Variants in ARHGEF28 observed in about 807,000 individuals in gnomAD.
ARHGEF28 encodes 190 kDa guanine nucleotide exchange factor.
Under a neutral mutation model 206.6 loss-of-function variants are expected in ARHGEF28, and 152 were observed. That is an observed-to-expected ratio of 0.74 (90% CI 0.64 to 0.84). The LOEUF (loss-of-function observed/expected upper bound fraction) is 0.84. Among genes scored for constraint, ARHGEF28 ranks in the 40% least tolerant of loss-of-function variants. ARHGEF28 has a pLI of 0.00. For missense variants in ARHGEF28, 2,028 were observed against 2,073.2 expected (o/e 0.98, Z 0.42); for synonymous variants, 763 against 776.4 (o/e 0.98, Z 0.29).
intron 2 of ARHGEF28, among the ~76,000 whole-genome samples, chr5:73,689,420 G>A (rs2112260016): frequency 6.6e-6 from 1 of 152,206 alleles, no homozygotes; most frequent in East Asian, 1.9e-4. Context: ...TTAGCTCACT[G>A]CACCCTCGAC....
At chr5:73,762,990 G>A (rs1006267242) in intron 4 of ARHGEF28, among the ~76,000 whole-genome samples, 4 of 152,190 alleles carry the variant, frequency 2.6e-5, no homozygotes, top group Non-Finnish European at 4.4e-5. Context: ...CGCATATAAA[G>A]TGCTGAATAA....
At chr5:73,758,647 C>A (rs1334240878) in intron 4 of ARHGEF28, among the ~76,000 whole-genome samples, 3 of 152,112 alleles carry the variant, frequency 2.0e-5, no homozygotes, top group African/African-American at 7.2e-5. Flanking sequence ...CCTCTGCCTC[C>A]CGGATTCAAA....
At chr5:73,760,321 T>C (rs1485443124) in intron 4 of ARHGEF28, among the ~76,000 whole-genome samples, 1 of 152,062 alleles carries the variant, frequency 6.6e-6, no homozygotes, top group African/African-American at 2.4e-5. Flanking sequence ...TTTTTTTAAG[T>C]TTTGAAATCA....
In ARHGEF28 at chr5:73,839,715, A is replaced by G. The variant is rs377489299; in HGVS notation, c.1147-765A>G. 3.7e-4 allele frequency among the ~76,000 whole-genome samples: 56 copies of G among 152,298 alleles called. 2 individuals are homozygous for G. The highest frequency in any genetic ancestry group is 1.3e-3 in the African/African-American group (54 of 41,566). ...CGCAGAGTCTTATAGCAGGAGCACG[A>G]GGCCTTACCTGCTGGATTTGCTGTT... On this transcript the variant is annotated intron_variant, in intron 10 of 35. Coordinates refer to ENST00000513042, the MANE Select transcript of ARHGEF28 (RefSeq NM_001177693.2).
At position 73,853,799 on chromosome 5, in the gene ARHGEF28, A is replaced by G. The variant is rs142687172; in HGVS notation, c.1790+1107A>G. Reference sequence around the variant, plus strand: ...CTGGAATTTGATCTTCATCTTGGTCATCATTTTGATTAACAGTCATCTTTT... The same window carrying G: ...CTGGAATTTGATCTTCATCTTGGTCGTCATTTTGATTAACAGTCATCTTTT... On this transcript the variant is annotated intron_variant, in intron 14 of 35. Coordinates refer to ENST00000513042, the MANE Select transcript of ARHGEF28 (RefSeq NM_001177693.2). Among the ~76,000 whole-genome samples, 17 of 152,330 alleles carry G rather than the reference A, an allele frequency of 1.1e-4. No individual in the cohort carries two copies. In the East Asian group the frequency reaches 2.9e-3, roughly 26 times the overall value.
chr5:73,845,067 G>A lies in ARHGEF28; in HGVS notation c.1428-1201G>A, dbSNP rs528805352. Among the ~76,000 whole-genome samples, 7 of 145,910 alleles carry A rather than the reference G, an allele frequency of 4.8e-5. No homozygotes were observed. The South Asian group carries it at 1.5e-3, about 32-fold the overall frequency. ...GAGTCTTGCTCTTTTGCCCAGGCTG[G>A]AGTGCAGTGGTGTGATCTTGGCTCA... On this transcript the variant is annotated intron_variant, in intron 11 of 35. Transcript: ENST00000513042.
intron 2 of ARHGEF28, among the ~76,000 whole-genome samples, chr5:73,703,543 A>C (rs929875733): frequency 6.6e-6 from 1 of 152,088 alleles, no homozygotes; most frequent in African/African-American, 2.4e-5. Flanking sequence ...TGCTACCTTC[A>C]AGGAGTCCAG....
chr5:73,846,622 G>A, intron 12 of ARHGEF28, 147 bp downstream of exon 12: 2 of 720,848 alleles, frequency 2.8e-6, no homozygotes, highest in Admixed American at 6.3e-5. Flanking sequence ...GATTGAGTCT[G>A]TCTTTTTAAT....
chr5:73,832,470 A>C lies in ARHGEF28; in HGVS notation c.1146+11A>C, dbSNP rs781008463. On this transcript the variant is annotated intron_variant, in intron 10 of 35. Coordinates refer to ENST00000513042, the MANE Select transcript of ARHGEF28 (RefSeq NM_001177693.2). ...ATGGTGATTGATCAGGTAAGGCCCA[A>C]CTGACATTACAGGATGATTTCTACC... 92 of 1,609,724 alleles carry C rather than the reference A, an allele frequency of 5.7e-5. 3 individuals are homozygous for C. In the South Asian group the frequency reaches 1.0e-3, roughly 18 times the overall value.
intron 12 of ARHGEF28, among the ~76,000 whole-genome samples, chr5:73,848,728 G>T (rs1159695970): frequency 6.6e-6 from 1 of 152,050 alleles, no homozygotes; most frequent in East Asian, 1.9e-4. Flanking sequence ...AGTTGGCTAG[G>T]ATATCATAGT....
intron 2 of ARHGEF28, among the ~76,000 whole-genome samples, chr5:73,693,871 C>G (rs1748005598): frequency 6.9e-6 from 1 of 145,834 alleles, no homozygotes; most frequent in South Asian, 2.3e-4. Context: ...TGCCTTGTCT[C>G]CTGTTTTCCT....
intron 2 of ARHGEF28, among the ~76,000 whole-genome samples, chr5:73,712,308 C>G (rs537110002): frequency 5.3e-5 from 8 of 152,014 alleles, no homozygotes; most frequent in Non-Finnish European, 1.2e-4. Context: ...GAAATGAATT[C>G]CATATAAGTA....
chr5:73,895,381 A>AG (rs1481192886), intron 29 of ARHGEF28, among the ~76,000 whole-genome samples: 7 of 152,050 alleles, frequency 4.6e-5, no homozygotes, highest in Non-Finnish European at 1.0e-4. Flanking sequence ...CGCTAGTGGG[A>AG]GGGGGAGAAC....
chr5:73,810,956 A>G (rs998923098), intron 9 of ARHGEF28, among the ~76,000 whole-genome samples: 1 of 152,196 alleles, frequency 6.6e-6, no homozygotes, highest in African/African-American at 2.4e-5. Context: ...GAAGTATAGT[A>G]TTCCTATACC....
rs1302979247 is a variant in ARHGEF28 at position 73,865,887 on chromosome 5, C to T, written c.2104-78C>T. The T allele has an allele frequency of 9.6e-6, 10 of 1,042,276 alleles. No individual in the cohort carries two copies. In the Middle Eastern group the frequency reaches 7.2e-4, roughly 75 times the overall value. 64.6% of individuals were successfully genotyped at this position (1,042,276 alleles called of 1,614,324 possible). ...AAATGATATAGATAAGAATTCTGTT[C>T]TGTGTAACTATGTGGATATTCTTAT... On this transcript the variant is annotated intron_variant, in intron 17 of 35. Transcript: ENST00000513042.
chr5:73,725,988 G>T (rs1750245623), intron 2 of ARHGEF28, among the ~76,000 whole-genome samples: 1 of 152,100 alleles, frequency 6.6e-6, no homozygotes. Flanking sequence ...TTCCTGTCAG[G>T]GTCAATTGTT....
chr5:73,837,056 T>C (rs62357759), intron 10 of ARHGEF28, among the ~76,000 whole-genome samples: 16,084 of 152,196 alleles, frequency 0.11, 938 homozygotes, highest in Non-Finnish European at 0.13. Flanking sequence ...AATGTTTTGA[T>C]TACCATATCT....
rs1761849996 is a variant in ARHGEF28, at chr5:73,894,593, G to C, written c.3841+18G>C. The C allele has an allele frequency of 6.2e-7, 1 of 1,611,220 alleles. No homozygotes were observed. The highest frequency in any genetic ancestry group is 2.2e-5 in the East Asian group (1 of 44,846). ...GAAAGAAGGTAAACTGCTGTGAGAAGGGTTTGGGTCGACACGTTCAGAAAA... is the reference window on the plus strand; with the variant it reads ...GAAAGAAGGTAAACTGCTGTGAGAACGGTTTGGGTCGACACGTTCAGAAAA... On this transcript the variant is annotated intron_variant, in intron 29 of 35. Coordinates refer to ENST00000513042, the MANE Select transcript of ARHGEF28 (RefSeq NM_001177693.2).
At chr5:73,736,327 G>GA (rs1750929991) in intron 2 of ARHGEF28, among the ~76,000 whole-genome samples, 2 of 152,112 alleles carry the variant, frequency 1.3e-5, no homozygotes, top group South Asian at 4.2e-4. Flanking sequence ...ACAGTGGCAG[G>GA]GCTTGCTGGG....
Sources: allele counts gnomAD v4.1 joint callset (sites outside exome capture counted in the v4.1 genomes callset), GRCh38; gene constraint gnomAD v4.1.1; transcripts MANE v1.5; gene names NCBI Gene and HGNC (gene_info 2026-07-23, HGNC 2026-07-21).